The following CTNNA3 variants were observed in gnomAD, a reference collection of about 807,000 sequenced individuals.
CTNNA3 encodes catenin alpha-3.
In CTNNA3, 76 loss-of-function variants were observed where a neutral mutation model predicts 95.7. That is an observed-to-expected ratio of 0.79 (90% CI 0.66 to 0.96). The LOEUF (loss-of-function observed/expected upper bound fraction) is 0.96, where lower values mean the gene tolerates loss of function less well. CTNNA3 is among the 40% of genes least tolerant of loss of function. The pLI is 0.00. For synonymous variants in CTNNA3, 431 were observed against 374.4 expected (o/e 1.15, Z -1.74); for missense variants, 1,191 against 1,089.8 (o/e 1.09, Z -1.31).
chr10:67,467,392 A>G (rs929246495), intron 5 of CTNNA3, among the ~76,000 whole-genome samples: 17 of 152,256 alleles, frequency 1.1e-4, no homozygotes, highest in Admixed American at 7.8e-4. Flanking sequence ...AGTTTGGATG[A>G]TCTTAGTCCT....
intron 5 of CTNNA3, among the ~76,000 whole-genome samples, chr10:67,239,246 T>C (rs1275147834): frequency 6.6e-6 from 1 of 152,024 alleles, no homozygotes; most frequent in Non-Finnish European, 1.5e-5. Context: ...TATGGAAATA[T>C]GTTCCTATGT....
intron 12 of CTNNA3, among the ~76,000 whole-genome samples, chr10:66,290,156 G>C (rs983983298): frequency 6.6e-6 from 1 of 151,996 alleles, no homozygotes; most frequent in Non-Finnish European, 1.5e-5. Context: ...TGAATAAAGA[G>C]AAGTAGAGAT....
chr10:66,129,249 A>G (rs1326045731), intron 13 of CTNNA3, among the ~76,000 whole-genome samples: 1 of 152,202 alleles, frequency 6.6e-6, no homozygotes, highest in Non-Finnish European at 1.5e-5. Context: ...GGGCAATAAG[A>G]GTGAAACTCT....
chr10:67,011,108 T>C (rs540249715), intron 7 of CTNNA3, among the ~76,000 whole-genome samples: 1 of 152,044 alleles, frequency 6.6e-6, no homozygotes, highest in Non-Finnish European at 1.5e-5. Context: ...GGCAGACGGA[T>C]CACGAAGTCA....
At chr10:66,805,068 C>T (rs1358321832) in intron 7 of CTNNA3, among the ~76,000 whole-genome samples, 1 of 152,078 alleles carries the variant, frequency 6.6e-6, no homozygotes, top group Non-Finnish European at 1.5e-5. Flanking sequence ...GACTTCTGTG[C>T]TCAGCCAAGA....
At chr10:66,833,285 T>A (rs1463370420) in intron 7 of CTNNA3, among the ~76,000 whole-genome samples, 1 of 152,180 alleles carries the variant, frequency 6.6e-6, no homozygotes, top group Non-Finnish European at 1.5e-5. Context: ...GCTTAATGCA[T>A]GAATCAAGAC....
rs935174759 is a variant in CTNNA3, at chr10:67,103,163, C to T, written c.1047+77154G>A. On this transcript the variant is annotated intron_variant, in intron 7 of 17. Coordinates refer to ENST00000433211, the MANE Select transcript of CTNNA3 (RefSeq NM_013266.4). ...GCATGCTAAGTTTTGAAAAATAGTG[C>T]TCAAATGAATTTATTTTTCCTAAAT... Among the ~76,000 whole-genome samples the T allele has an allele frequency of 1.8e-4, 27 of 151,864 alleles. 1 individual carries two copies. The highest frequency in any genetic ancestry group is 6.3e-4 in the African/African-American group (26 of 41,500).
chr10:67,713,033 A>G (rs1369713478), intron 1 of CTNNA3, among the ~76,000 whole-genome samples: 1 of 152,232 alleles, frequency 6.6e-6, no homozygotes, highest in Non-Finnish European at 1.5e-5. Context: ...CAATCTATCC[A>G]TCTGACAAAG....
At chr10:66,768,542 A>T (rs1839956419) in intron 8 of CTNNA3, among the ~76,000 whole-genome samples, 1 of 152,210 alleles carries the variant, frequency 6.6e-6, no homozygotes, top group African/African-American at 2.4e-5. Flanking sequence ...AAATGTAGTT[A>T]TCCTACCAAA....
intron 13 of CTNNA3, among the ~76,000 whole-genome samples, chr10:66,232,360 T>TAA (rs1314700985): frequency 6.6e-6 from 1 of 152,146 alleles, no homozygotes; most frequent in Admixed American, 6.5e-5. Flanking sequence ...GCAATGTACA[T>TAA]AAAAATCCCA....
intron 17 of CTNNA3, among the ~76,000 whole-genome samples, chr10:65,943,145 G>A (rs1391830201): frequency 6.6e-6 from 1 of 151,046 alleles, no homozygotes; most frequent in Non-Finnish European, 1.5e-5. Flanking sequence ...CTCACTGCAA[G>A]CTCCGCCTCC....
At chr10:67,094,989 ATAAG>A (rs1044491406) in intron 7 of CTNNA3, among the ~76,000 whole-genome samples, 4 of 151,548 alleles carry the variant, frequency 2.6e-5, no homozygotes, top group African/African-American at 9.7e-5. Context: ...TTTTGAAACT[ATAAG>A]TAATTGGCTT....
At chr10:66,680,870 A>C (rs1847042964) in intron 9 of CTNNA3, among the ~76,000 whole-genome samples, 1 of 152,198 alleles carries the variant, frequency 6.6e-6, no homozygotes, top group South Asian at 2.1e-4. Context: ...CAATGATAAT[A>C]ATAAGGCAGA....
chr10:67,060,560 T>C (rs1855701749), intron 7 of CTNNA3, among the ~76,000 whole-genome samples: 1 of 152,210 alleles, frequency 6.6e-6, no homozygotes, highest in African/African-American at 2.4e-5. Flanking sequence ...AGATAACACA[T>C]TCTAGTTCAT....
intron 13 of CTNNA3, among the ~76,000 whole-genome samples, chr10:66,188,630 T>C (rs1017520284): frequency 4.0e-5 from 6 of 150,072 alleles, no homozygotes; most frequent in South Asian, 2.1e-4. Context: ...TGTGTGTGTG[T>C]GCCACAATTT....
chr10:67,580,284 T>G (rs1032519961), intron 3 of CTNNA3, among the ~76,000 whole-genome samples: 1 of 152,224 alleles, frequency 6.6e-6, no homozygotes, highest in Non-Finnish European at 1.5e-5. Flanking sequence ...GGCTAGCAAG[T>G]TTTCCCAGCA....
chr10:66,890,329 C>T (rs542011498), intron 7 of CTNNA3, among the ~76,000 whole-genome samples: 3 of 147,834 alleles, frequency 2.0e-5, no homozygotes, highest in South Asian at 4.3e-4. Context: ...TGCAAGTGAA[C>T]GTAGGAAAAG....
intron 11 of CTNNA3, among the ~76,000 whole-genome samples, chr10:66,389,180 A>G (rs1186890213): frequency 6.6e-6 from 1 of 152,050 alleles, no homozygotes; most frequent in African/African-American, 2.4e-5. Context: ...CTCTTTAAAC[A>G]CAGCAAAAGT....
intron 14 of CTNNA3, among the ~76,000 whole-genome samples, chr10:66,084,553 A>C (rs1357268086): frequency 6.6e-6 from 1 of 152,170 alleles, no homozygotes. Flanking sequence ...TTACTAAATA[A>C]TGTTTTTTCT....
Sources: gnomAD v4.1 joint callset for allele counts (sites outside exome capture counted in the v4.1 genomes callset) on GRCh38, gnomAD v4.1.1 for gene constraint, MANE v1.5 for transcripts, NCBI Gene and HGNC (gene_info 2026-07-23, HGNC 2026-07-21) for gene names.